The following EPS15 variants were observed in gnomAD, a reference collection of about 807,000 sequenced individuals.
EPS15 encodes epidermal growth factor receptor pathway substrate 15.
EPS15 carries 72 observed loss-of-function variants against 113.8 expected under a neutral mutation model. The ratio of observed to expected loss-of-function variants is 0.63; its 90% CI spans 0.52 to 0.77. The LOEUF is 0.77. Ranked by LOEUF, EPS15 falls within the 30% of genes least tolerant of loss-of-function variation. The probability of loss-of-function intolerance (pLI) is 0.00; values close to 1 mark genes in which losing one functional copy is unlikely to be tolerated. For synonymous variants in EPS15, 344 were observed against 363.4 expected (o/e 0.95, Z 0.61); for missense variants, 1,048 against 1,045.8 (o/e 1.00, Z -0.03).
intron 5 of EPS15, 67 bp from the exon 6 acceptor site, chr1:51,465,393 G>T: frequency 8.8e-7 from 1 of 1,142,474 alleles, no homozygotes; most frequent in Non-Finnish European, 1.3e-6. Context: ...AAGAAAAAAT[G>T]GTTTTTGGAT....
At chr1:51,493,315 C>T (rs570229127) in intron 1 of EPS15, among the ~76,000 whole-genome samples, 2 of 150,146 alleles carry the variant, frequency 1.3e-5, no homozygotes, top group East Asian at 2.0e-4. Flanking sequence ...GAGCCAAGAT[C>T]GCGCCACTGC....
At chr1:51,395,418 T>C (rs972163828) in intron 20 of EPS15, among the ~76,000 whole-genome samples, 2 of 152,344 alleles carry the variant, frequency 1.3e-5, no homozygotes, top group East Asian at 1.9e-4. Context: ...AATATCCTAG[T>C]ACTTAATATC....
At chr1:51,501,664 A>G (rs2148551640) in intron 1 of EPS15, among the ~76,000 whole-genome samples, 1 of 152,022 alleles carries the variant, frequency 6.6e-6, no homozygotes, top group Non-Finnish European at 1.5e-5. Flanking sequence ...TTTTTAGTAG[A>G]GATGGGGTTT....
chr1:51,484,160 G>A (rs55667545), intron 1 of EPS15, among the ~76,000 whole-genome samples: 4,580 of 152,176 alleles, frequency 0.03, 76 homozygotes, highest in African/African-American at 0.05. Flanking sequence ...CCAGCTCTGT[G>A]TTGCTTCCCA....
intron 2 of EPS15, among the ~76,000 whole-genome samples, chr1:51,473,913 T>G (rs1177346777): frequency 1.3e-5 from 2 of 152,290 alleles, no homozygotes; most frequent in Middle Eastern, 3.4e-3. Context: ...CCTTCAAATT[T>G]GGAATAAGAG....
At chr1:51,429,647 T>G (rs927203197) in intron 12 of EPS15, among the ~76,000 whole-genome samples, 24 of 146,624 alleles carry the variant, frequency 1.6e-4, no homozygotes, top group Non-Finnish European at 2.7e-4. Context: ...TTGTTGGTTT[T>G]TTTTTTTTTT....
intron 1 of EPS15, among the ~76,000 whole-genome samples, chr1:51,492,876 T>C (rs1181998375): frequency 6.6e-6 from 1 of 152,200 alleles, no homozygotes; most frequent in African/African-American, 2.4e-5. Flanking sequence ...GTGAATAAAC[T>C]CCTCTTTGCT....
In EPS15 at chr1:51,377,158, G is replaced by A. The variant is rs1330633498; in HGVS notation, c.2120-11129C>T. On this transcript the variant is annotated intron_variant, in intron 21 of 24. Coordinates refer to ENST00000371733, the MANE Select transcript of EPS15 (RefSeq NM_001981.3). ...TGGCGGGCGTAATCTCAGCTACTTGGAAGGCTGAGGCAGGAAAATCATTTG... is the reference window on the plus strand; with the variant it reads ...TGGCGGGCGTAATCTCAGCTACTTGAAAGGCTGAGGCAGGAAAATCATTTG... Among the ~76,000 whole-genome samples the A allele has an allele frequency of 2.0e-5, 3 of 152,186 alleles. No individual in the cohort carries two copies. The East Asian group carries it at 5.8e-4, about 29-fold the overall frequency.
At chr1:51,478,739 T>G (rs1231208423) in intron 2 of EPS15, among the ~76,000 whole-genome samples, 1 of 152,088 alleles carries the variant, frequency 6.6e-6, no homozygotes, top group Non-Finnish European at 1.5e-5. Flanking sequence ...GGATATGAAA[T>G]TCTGGGTTGA....
intron 1 of EPS15, among the ~76,000 whole-genome samples, chr1:51,496,878 T>C (rs1644333097): frequency 6.6e-6 from 1 of 152,224 alleles, no homozygotes; most frequent in African/African-American, 2.4e-5. Flanking sequence ...CAATTACTAC[T>C]ATCTAATGTC....
chr1:51,472,965 C>T lies in EPS15; in HGVS notation c.76-17G>A. The T allele has an allele frequency of 1.9e-6, 3 of 1,595,294 alleles. No homozygotes were observed. Among genetic ancestry groups the T allele is most frequent in the Non-Finnish European group, 2.6e-6 (3 of 1,163,928 alleles). ...TGTATCAACCTGAAAAGATACAAATCCGTAAGTTGACAACAAAATACAAAA... is the reference window on the plus strand; with the variant it reads ...TGTATCAACCTGAAAAGATACAAATTCGTAAGTTGACAACAAAATACAAAA... On this transcript the variant is annotated splice_polypyrimidine_tract_variant and intron_variant, in intron 2 of 24. Coordinates refer to ENST00000371733, the MANE Select transcript of EPS15 (RefSeq NM_001981.3).
chr1:51,463,707 A>T lies in EPS15; in HGVS notation c.467T>A (p.Leu156His). ...LSGDKVKPVL[L>H]NSKLPVDILG... ...GATATCCACAGGTAACTTAGAGTTG[A>T]GCAACACTGGTTTCACTTTATCACC... The change falls in exon 7 of 25, where the codon CTC becomes CAC. Residue 156 changes from leucine (L) to histidine (H), a missense_variant. Physicochemically the swap from Leu to His is moderately conservative, Grantham distance 99. Coordinates refer to ENST00000371733, the MANE Select transcript of EPS15 (RefSeq NM_001981.3). 1.2e-6 allele frequency: 2 copies of T among 1,600,078 alleles called. No individual in the cohort carries two copies. The highest frequency in any genetic ancestry group is 2.7e-5 in the African/African-American group (2 of 74,772).
intron 2 of EPS15, among the ~76,000 whole-genome samples, chr1:51,480,355 C>T (rs1228367298): frequency 6.6e-6 from 1 of 152,096 alleles, no homozygotes. Context: ...TGGTATGCAC[C>T]CTTGATGACT....
rs1332724251 is a variant in EPS15 at position 51,508,336 on chromosome 1, GAGAGAAAGAAAGAA to G, written c.33+10849_33+10862del. ...AAAGAGAGAAAGAGAGAAAGAGAAA[GAGAGAAAGAAAGAA>G]AGAAAGAAAGAAAGAAAGAAAGAAA... On this transcript the variant is annotated intron_variant, in intron 1 of 24. Coordinates refer to ENST00000371733, the MANE Select transcript of EPS15 (RefSeq NM_001981.3). 1.6e-4 allele frequency among the ~76,000 whole-genome samples: 19 copies of G among 121,940 alleles called. 1 individual carries two copies. The highest frequency in any genetic ancestry group is 7.0e-4 in the African/African-American group (19 of 27,274). The allele number at this position is 121,940 out of a possible 152,430, so 80.0% of individuals were successfully genotyped here. A position where few individuals can be genotyped will look rare whatever the true frequency, so the allele number is the denominator to read the frequency against.
Position 51,434,438 on chromosome 1 carries a change from T to C in EPS15, c.1040+5909A>G, listed in dbSNP as rs376314143. 3.3e-5 allele frequency among the ~76,000 whole-genome samples: 5 copies of C among 152,148 alleles called. No homozygotes were observed. The South Asian group carries it at 6.2e-4, about 19-fold the overall frequency. On this transcript the variant is annotated intron_variant, in intron 12 of 24. Coordinates refer to ENST00000371733, the MANE Select transcript of EPS15 (RefSeq NM_001981.3). ...GGATATTATGCTGAGTGAAATAAGA[T>C]AGTCATAAAAAGACAAATATCTCAC...
At chr1:51,479,693 G>A (rs72679112) in intron 2 of EPS15, among the ~76,000 whole-genome samples, 3,334 of 152,302 alleles carry the variant, frequency 0.022, 31 homozygotes, top group Middle Eastern at 0.034. Context: ...ATAGCAATTT[G>A]TTTTTCTTCT....
chr1:51,365,642 C>T (rs1646491580), intron 22 of EPS15, among the ~76,000 whole-genome samples: 1 of 152,124 alleles, frequency 6.6e-6, no homozygotes. Flanking sequence ...CCCAGACAGT[C>T]AACAGGGGGA....
chr1:51,409,781 G>T, intron 13 of EPS15, 85 bp from the exon 14 acceptor site: 1 of 900,704 alleles, frequency 1.1e-6, no homozygotes, highest in Non-Finnish European at 1.7e-6. Flanking sequence ...CCTTAAGAAA[G>T]AATAAAGTCT....
At chr1:51,468,355 T>C (rs1655000929) in intron 5 of EPS15, 118 bp downstream of exon 5, 1 of 756,084 alleles carries the variant, frequency 1.3e-6, no homozygotes, top group African/African-American at 1.8e-5. Flanking sequence ...AAAAGCCAAG[T>C]AGCTGAGTGA....
Sources: allele counts gnomAD v4.1 joint callset (sites outside exome capture counted in the v4.1 genomes callset), GRCh38; gene constraint gnomAD v4.1.1; transcripts MANE v1.5; gene names NCBI Gene and HGNC (gene_info 2026-07-23, HGNC 2026-07-21).